COL18A1: variants seen among roughly 807,000 people sequenced by gnomAD.
The protein encoded by COL18A1 is collagen alpha-1(XVIII) chain.
A neutral mutation model predicts 168.0 loss-of-function variants in COL18A1; 133 were observed. The ratio of observed to expected loss-of-function variants is 0.79; its 90% CI spans 0.69 to 0.91. The LOEUF (loss-of-function observed/expected upper bound fraction) is 0.91, where lower values mean the gene tolerates loss of function less well. Ranked by LOEUF, COL18A1 falls within the 40% of genes least tolerant of loss-of-function variation. The pLI is 0.00. For missense variants in COL18A1, 2,126 were observed against 1,925.4 expected, an observed-to-expected ratio of 1.10 and a Z score of -1.95; for synonymous variants, 949 against 809.0, an observed-to-expected ratio of 1.17 and a Z score of -2.94.
rs893321400 is a variant in COL18A1, at chr21:45,490,346, G to C, written c.2031G>C (p.Gln677His). 42 of 1,574,928 alleles carry C rather than the reference G, an allele frequency of 2.7e-5. No individual in the cohort carries two copies. Among genetic ancestry groups the C allele is most frequent in the Non-Finnish European group, 3.6e-5 (42 of 1,160,718 alleles). Residue 677 changes from glutamine (Q) to histidine (H), a missense_variant and splice_region_variant, in exon 20 of 42, where the codon CAG becomes CAC. By Grantham distance (24) the Gln-to-His change is conservative. Coordinates refer to ENST00000651438, the MANE Select transcript of COL18A1 (RefSeq NM_001379500.1). ...GCAGAGAGGGCATTGCTGGGCCCCA[G>C]GTGAGTTGCCTTGGTGGGCCCAGGG... is the stretch of plus-strand genomic sequence containing the variant. ...LPGREGIAGP[Q>H]GPKGDRGSRG...
At chr21:45,465,281 G>T (rs1477571989) in intron 2 of COL18A1, among the ~76,000 whole-genome samples, 1 of 152,216 alleles carries the variant, frequency 6.6e-6, no homozygotes, top group African/African-American at 2.4e-5. Context: ...TTTTGGGTCA[G>T]CGCTGACGGT....
At chr21:45,453,807 C>T (rs2034712060) in intron 2 of COL18A1, among the ~76,000 whole-genome samples, 2 of 152,170 alleles carry the variant, frequency 1.3e-5, no homozygotes, top group Non-Finnish European at 2.9e-5. Flanking sequence ...AGCTGCTCTC[C>T]CTCCATTGCT....
rs142375997 is a variant in COL18A1 at position 45,478,286 on chromosome 21, G to A, written c.1222-41G>A. 5.0e-4 allele frequency: 809 copies of A among 1,613,808 alleles called. 7 individuals carry two copies. In the African/African-American group the frequency reaches 9.8e-3, roughly 20 times the overall value. ...GTAGACACTGTAGGTGGCGCCGGAG[G>A]AGTCATTTCCCATCACTAATGGCTT... On this transcript the variant is annotated intron_variant, in intron 8 of 41. Transcript: ENST00000651438.
chr21:45,494,833 C>G lies in COL18A1; in HGVS notation c.2380-29C>G, dbSNP rs763495553. 5 of 1,595,402 alleles carry G rather than the reference C, an allele frequency of 3.1e-6. No individual in the cohort carries two copies. In the African/African-American group the frequency reaches 5.4e-5, roughly 17 times the overall value. On this transcript the variant is annotated intron_variant, in intron 27 of 41. Coordinates refer to ENST00000651438, the MANE Select transcript of COL18A1 (RefSeq NM_001379500.1). The stretch of plus-strand genomic sequence containing the variant: ...CGTGGTCAAGGGCCAGGGTCTGCCC[C>G]ACTAAGCCTGGCCCCCTTCCTCTTG...
In COL18A1 at chr21:45,473,934, G is replaced by T. The variant is rs202012055; in HGVS notation, c.691G>T (p.Val231Leu). Residue 231 changes from valine to leucine, a missense_variant, in exon 4 of 42, where the codon GTG becomes TTG. Val to Leu is a conservative substitution (Grantham distance 32). Coordinates refer to ENST00000651438, the MANE Select transcript of COL18A1 (RefSeq NM_001379500.1). The surrounding 1 kb of genome is among the most constrained non-coding windows in gnomAD (Gnocchi z 4.0). ...AELKVRRDPQ[V>L]SPMHCLDEEG... ...GCTGAAGGTGCGCAGGGACCCCCAG[G>T]TGAGCCCCATGCACTGCCTGGACGA... The T allele has an allele frequency of 1.9e-6, 3 of 1,606,498 alleles. No individual in the cohort carries two copies. Among genetic ancestry groups the T allele is most frequent in the Non-Finnish European group, 2.5e-6 (3 of 1,176,714 alleles).
intron 31 of COL18A1, 74 bp from the exon 32 acceptor site, chr21:45,497,525 T>G (rs2036583700): frequency 5.2e-6 from 8 of 1,538,962 alleles, no homozygotes. Flanking sequence ...CTAGGGCATT[T>G]CGGGCAGGAG....
chr21:45,406,798 T>C (rs866889135), intron 2 of COL18A1, among the ~76,000 whole-genome samples: 5 of 152,252 alleles, frequency 3.3e-5, no homozygotes, highest in African/African-American at 1.2e-4. Context: ...AAGGTGATGG[T>C]TTTTTTGCCT....
At chr21:45,491,792 C>T (rs1003790475) in intron 22 of COL18A1, among the ~76,000 whole-genome samples, 4 of 152,226 alleles carry the variant, frequency 2.6e-5, no homozygotes, top group African/African-American at 4.8e-5. Context: ...CCCTGTGCCA[C>T]CCTGGCCTCA....
chr21:45,494,080 G>A (rs1372413544), intron 26 of COL18A1: 4 of 294,672 alleles, frequency 1.4e-5, no homozygotes, highest in African/African-American at 4.3e-5. Flanking sequence ...TCTTTGGAGT[G>A]TGGGCCACCG....
rs148309298 is a variant in COL18A1, at chr21:45,488,040, A to G, written c.1897-378A>G. On this transcript the variant is annotated intron_variant, in intron 17 of 41. Transcript: ENST00000651438. Reference sequence around the variant, plus strand: ...ACAAGCTCCTTCCTCCCCTGCCCCCACTGTCCCCTCCACACCACCAGCGCT... The same window carrying G: ...ACAAGCTCCTTCCTCCCCTGCCCCCGCTGTCCCCTCCACACCACCAGCGCT... Among the ~76,000 whole-genome samples the G allele has an allele frequency of 5.3e-3, 806 of 152,156 alleles. 8 individuals are homozygous for G. Among genetic ancestry groups the G allele is most frequent in the African/African-American group, 0.019 (778 of 41,506 alleles).
In COL18A1 at chr21:45,473,426, G is replaced by A. The variant is rs1304512647; in HGVS notation, c.652-469G>A. 6.6e-6 allele frequency among the ~76,000 whole-genome samples: 1 copy of A among 152,226 alleles called. No individual in the cohort carries two copies. Among genetic ancestry groups the A allele is most frequent in the African/African-American group, 2.4e-5 (1 of 41,458 alleles). On this transcript the variant is annotated intron_variant, in intron 3 of 41. Transcript: ENST00000651438. The surrounding 1 kb of genome is among the most constrained non-coding windows in gnomAD (Gnocchi z 4.0). ...TGGGTTTTGTTTTTGATGAAAAGGTGAAGTTCAAAGAAAGCAAAGCCATGG... is the reference window on the plus strand; with the variant it reads ...TGGGTTTTGTTTTTGATGAAAAGGTAAAGTTCAAAGAAAGCAAAGCCATGG...
rs9984935 is a variant in COL18A1 at position 45,478,279 on chromosome 21, G to A, written c.1222-48G>A. On this transcript the variant is annotated intron_variant, in intron 8 of 41. Transcript: ENST00000651438. ...TTTCCATGTAGACACTGTAGGTGGC[G>A]CCGGAGGAGTCATTTCCCATCACTA... 1.6e-4 allele frequency: 259 copies of A among 1,613,260 alleles called. 2 individuals are homozygous for A. The African/African-American group carries it at 2.9e-3, about 18-fold the overall frequency.
rs113540632 is a variant in COL18A1 at position 45,479,919 on chromosome 21, A to G, written c.1266A>G (p.Gln422=). 74 of 1,613,586 alleles carry G rather than the reference A, an allele frequency of 4.6e-5. No individual in the cohort carries two copies. Among genetic ancestry groups the G allele is most frequent in the African/African-American group, 2.0e-4 (15 of 74,886 alleles). Residue 422 remains glutamine, a synonymous_variant, in exon 10 of 42, where the codon CAA becomes CAG. Coordinates refer to ENST00000651438, the MANE Select transcript of COL18A1 (RefSeq NM_001379500.1). ...TGTTCCAGGGCGACACCGGGCCACA[A>G]GGCTTCCCCGGGACTCCAGGGGACG... ...EDGKPGDTGP[Q]GFPGTPGDVG...
At chr21:45,496,301 TG>T in intron 29 of COL18A1, 198 bp from the exon 30 acceptor site, 1 of 713,846 alleles carries the variant, frequency 1.4e-6, no homozygotes, top group Non-Finnish European at 2.6e-6. Context: ...GACTCCAGCG[TG>T]GGATGAGGTG....
chr21:45,482,215 A>T, intron 14 of COL18A1, 190 bp downstream of exon 14: 1 of 624,976 alleles, frequency 1.6e-6, no homozygotes, highest in Non-Finnish European at 2.9e-6. Context: ...GTAGAAATTC[A>T]TAACCCTGTG....
rs1569287193 is a variant in COL18A1 at position 45,437,135 on chromosome 21, TCTC to T, written c.107-31105_107-31103del. ...CACTCACACACAGACACACAGGCAC[TCTC>T]CACACACACTCACACTCAGACACAG... On this transcript the variant is annotated intron_variant, in intron 2 of 41. Transcript: ENST00000651438. 3.2e-4 allele frequency among the ~76,000 whole-genome samples: 24 copies of T among 76,030 alleles called. 1 individual carries two copies. The highest frequency in any genetic ancestry group is 6.2e-4 in the African/African-American group (7 of 11,314). 49.9% of individuals were successfully genotyped at this position (76,030 alleles called of 152,430 possible).
chr21:45,499,097 G>A (rs1217173870), intron 32 of COL18A1, among the ~76,000 whole-genome samples: 3 of 152,200 alleles, frequency 2.0e-5, no homozygotes, highest in Non-Finnish European at 2.9e-5. Flanking sequence ...TTAGAGTGAC[G>A]AGATTTCTCA....
In COL18A1 at chr21:45,486,117, G is replaced by A. The variant is rs111668002; in HGVS notation, c.1702-744G>A. On this transcript the variant is annotated intron_variant, in intron 15 of 41. Coordinates refer to ENST00000651438, the MANE Select transcript of COL18A1 (RefSeq NM_001379500.1). Reference sequence around the variant, plus strand: ...CAGGTGGCTGGGGCCTTGGGTCACCGATGGCTCCAGCACATGCCTCCGGGC... The same window carrying A: ...CAGGTGGCTGGGGCCTTGGGTCACCAATGGCTCCAGCACATGCCTCCGGGC... Among the ~76,000 whole-genome samples the A allele has an allele frequency of 2.0e-5, 3 of 152,316 alleles. No homozygotes were observed. The East Asian group carries it at 5.8e-4, about 29-fold the overall frequency.
rs1217520806 is a variant in COL18A1, at chr21:45,423,635, T to C, written c.106+18162T>C. 3 of 151,884 alleles carry C rather than the reference T, an allele frequency of 2.0e-5. No homozygotes were observed. Among genetic ancestry groups the C allele is most frequent in the East Asian group, 1.9e-4 (1 of 5,154 alleles). The allele number at this position is 151,884 out of a possible 1,614,324, so 9.4% of individuals were successfully genotyped here. A position where few individuals can be genotyped will look rare whatever the true frequency, so the allele number is the denominator to read the frequency against. On this transcript the variant is annotated intron_variant, in intron 2 of 41. Coordinates refer to ENST00000651438, the MANE Select transcript of COL18A1 (RefSeq NM_001379500.1). This position sits in a 1 kb window ranked among gnomAD's most constrained non-coding sequence, Gnocchi z 4.0. ...AGTTACTGCGGAACCAAGGGGCTCA[T>C]GGCCATTGAGTGACTCCAGTTAATG...
Sources: allele counts gnomAD v4.1 joint callset (sites outside exome capture counted in the v4.1 genomes callset), GRCh38; gene constraint gnomAD v4.1.1; non-coding constraint Gnocchi (gnomAD v3.1); transcripts MANE v1.5; gene names NCBI Gene and HGNC (gene_info 2026-07-23, HGNC 2026-07-21).